DNAH7: variants seen among roughly 807,000 people sequenced by gnomAD.
DNAH7 encodes the protein dynein axonemal heavy chain 7.
DNAH7 carries 397 observed loss-of-function variants against 444.6 expected under a neutral mutation model. The ratio of observed to expected loss-of-function variants is 0.89; its 90% CI spans 0.82 to 0.97. DNAH7 has a LOEUF of 0.97. Among genes scored for constraint, DNAH7 ranks in the 50% least tolerant of loss-of-function variants. The pLI, the probability that DNAH7 is intolerant of heterozygous loss-of-function variation, is 0.00. For missense variants in DNAH7, 4,902 were observed against 4,800.8 expected (o/e 1.02, Z -0.62); for synonymous variants, 1,636 against 1,624.4 (o/e 1.01, Z -0.17).
At chr2:196,044,264 A>C (rs941478861) in intron 5 of DNAH7, among the ~76,000 whole-genome samples, 1 of 151,722 alleles carries the variant, frequency 6.6e-6, no homozygotes, top group African/African-American at 2.4e-5. Flanking sequence ...AATACTACTA[A>C]AAAGGAATAA....
At position 195,861,813 on chromosome 2, in the gene DNAH7, G is replaced by C; in HGVS notation, c.7640C>G (p.Ser2547Cys). 1 of 1,613,624 alleles carries C rather than the reference G, an allele frequency of 6.2e-7. No homozygotes were observed. The highest frequency in any genetic ancestry group is 1.3e-5 in the African/African-American group (1 of 75,032). The part of the protein sequence containing the change: ...FHTSTIDLSK[S>C]FFVELQRYNY... ...GTATCTTTGAAGTTCAACAAAGAAA[G>C]ATTTGGATAAATCTATAGTAGAAGT... The change falls in exon 42 of 65, where the codon TCT (serine) becomes TGT (cysteine). Residue 2547 changes from serine (S) to cysteine (C), a missense_variant. Ser to Cys is a moderately radical substitution (Grantham distance 112, BLOSUM62 -1). Coordinates refer to ENST00000312428, the MANE Select transcript of DNAH7 (RefSeq NM_018897.3).
chr2:195,970,420 T>C (rs2125569023), intron 16 of DNAH7, among the ~76,000 whole-genome samples: 1 of 152,264 alleles, frequency 6.6e-6, no homozygotes, highest in South Asian at 2.1e-4. Context: ...AAATAATTTA[T>C]CAGCATTTGA....
At chr2:195,900,660 G>T in intron 27 of DNAH7, 166 bp from the exon 28 acceptor site, 1 of 598,440 alleles carries the variant, frequency 1.7e-6, no homozygotes, top group Non-Finnish European at 2.9e-6. Context: ...AGGTGAGGTG[G>T]GGCAATGGGG....
chr2:195,951,709 T>C (rs1690270441), intron 19 of DNAH7, among the ~76,000 whole-genome samples: 1 of 152,188 alleles, frequency 6.6e-6, no homozygotes, highest in African/African-American at 2.4e-5. Flanking sequence ...TCTCTTTTGA[T>C]CTTTGTTGGT....
At chr2:195,979,819 A>C (rs192664583) in intron 15 of DNAH7, among the ~76,000 whole-genome samples, 3 of 152,018 alleles carry the variant, frequency 2.0e-5, no homozygotes, top group Non-Finnish European at 4.4e-5. Flanking sequence ...GGATCATTAG[A>C]GGCTACTAAA....
chr2:195,887,680 G>T (rs1442777472), intron 33 of DNAH7, among the ~76,000 whole-genome samples: 1 of 152,106 alleles, frequency 6.6e-6, no homozygotes, highest in Non-Finnish European at 1.5e-5. Flanking sequence ...AAGACCTTTG[G>T]TCAGCATCTC....
Position 196,021,590 on chromosome 2 carries a change from T to G in DNAH7, c.744-2295A>C, listed in dbSNP as rs185110555. Among the ~76,000 whole-genome samples the G allele has an allele frequency of 1.5e-3, 216 of 139,550 alleles. 1 individual carries two copies. Among genetic ancestry groups the G allele is most frequent in the African/African-American group, 5.5e-3 (207 of 37,416 alleles). The allele number at this position is 139,550 out of a possible 152,430, so 91.6% of individuals were successfully genotyped here. On this transcript the variant is annotated intron_variant, in intron 8 of 64. Coordinates refer to ENST00000312428, the MANE Select transcript of DNAH7 (RefSeq NM_018897.3). The stretch of plus-strand genomic sequence containing the variant: ...ATCCCAGCACTTTGGGAGGCCAAGG[T>G]GGGAGGATTTCTTGAGCCCAGGAGT...
intron 44 of DNAH7, 120 bp from the exon 45 acceptor site, chr2:195,856,111 C>G (rs1289783775): frequency 1.1e-6 from 1 of 871,218 alleles, no homozygotes; most frequent in East Asian, 2.7e-5. Context: ...ATGCAAAAAT[C>G]TAAACCGATT....
At chr2:195,986,453 T>G (rs1012651843) in intron 14 of DNAH7, among the ~76,000 whole-genome samples, 5 of 152,200 alleles carry the variant, frequency 3.3e-5, no homozygotes, top group African/African-American at 1.2e-4. Flanking sequence ...TTAGAGTTTT[T>G]CACCCATGTA....
chr2:195,924,167 T>G (rs936889731), intron 22 of DNAH7, among the ~76,000 whole-genome samples: 1 of 152,160 alleles, frequency 6.6e-6, no homozygotes, highest in African/African-American at 2.4e-5. Context: ...TGGGGACTGC[T>G]ATATAGATTG....
At chr2:195,957,740 C>T (rs1337702793) in intron 18 of DNAH7, among the ~76,000 whole-genome samples, 1 of 151,492 alleles carries the variant, frequency 6.6e-6, no homozygotes, top group African/African-American at 2.4e-5. Flanking sequence ...ATTTGTTCTA[C>T]AAAATATGTT....
intron 42 of DNAH7, among the ~76,000 whole-genome samples, chr2:195,859,059 A>T (rs1364304959): frequency 2.0e-5 from 3 of 152,246 alleles, no homozygotes; most frequent in African/African-American, 7.2e-5. Flanking sequence ...CATACAACAG[A>T]AATTCAAAAG....
intron 16 of DNAH7, among the ~76,000 whole-genome samples, chr2:195,971,491 A>G (rs1269738841): frequency 1.3e-5 from 2 of 152,210 alleles, no homozygotes; most frequent in African/African-American, 4.8e-5. Context: ...AGATGTGGTC[A>G]AAGTGAGAGC....
chr2:195,942,756 T>C (rs950590629), intron 19 of DNAH7, among the ~76,000 whole-genome samples: 1 of 152,102 alleles, frequency 6.6e-6, no homozygotes, highest in Non-Finnish European at 1.5e-5. Context: ...GTGAGACATG[T>C]CACTTCTATT....
chr2:195,787,024 G>C lies in DNAH7; in HGVS notation c.10864C>G (p.Leu3622Val). Residue 3622 changes from leucine to valine, a missense_variant, in exon 58 of 65, where the codon CTG becomes GTG. By Grantham distance (32) the Leu-to-Val change is conservative. Coordinates refer to ENST00000312428, the MANE Select transcript of DNAH7 (RefSeq NM_018897.3). ...RISVQQLHMF[L>V]NQYEELPYEA... ...TTTTATGATACCTCATACTGGTTCA[G>C]GAACATGTGGAGCTGCTGTACGCTG... is the stretch of plus-strand genomic sequence containing the variant. The C allele has an allele frequency of 6.3e-7, 1 of 1,593,154 alleles. No individual in the cohort carries two copies. Among genetic ancestry groups the C allele is most frequent in the Non-Finnish European group, 8.5e-7 (1 of 1,173,470 alleles).
chr2:196,041,510 T>C (rs903240800), intron 5 of DNAH7, among the ~76,000 whole-genome samples: 3 of 151,886 alleles, frequency 2.0e-5, no homozygotes, highest in Admixed American at 1.3e-4. Flanking sequence ...GGTATCCATA[T>C]GAAGAATAAA....
chr2:195,924,118 G>A (rs1688189468), intron 22 of DNAH7, among the ~76,000 whole-genome samples: 1 of 152,086 alleles, frequency 6.6e-6, no homozygotes, highest in Non-Finnish European at 1.5e-5. Context: ...CAATATGGAG[G>A]GGATGTGTGA....
intron 5 of DNAH7, among the ~76,000 whole-genome samples, chr2:196,044,337 A>C (rs1232460037): frequency 6.6e-6 from 1 of 152,104 alleles, no homozygotes; most frequent in Non-Finnish European, 1.5e-5. Context: ...GAAGTAACTC[A>C]GGAATGGAAA....
chr2:195,842,565 T>G (rs1698749257), intron 47 of DNAH7, among the ~76,000 whole-genome samples: 1 of 152,138 alleles, frequency 6.6e-6, no homozygotes, highest in Admixed American at 6.6e-5. Flanking sequence ...CAAAATATAT[T>G]GGGAAAAGAA....
Sources: gnomAD v4.1 joint callset for allele counts (sites outside exome capture counted in the v4.1 genomes callset) on GRCh38, gnomAD v4.1.1 for gene constraint, MANE v1.5 for transcripts, NCBI Gene and HGNC (gene_info 2026-07-23, HGNC 2026-07-21) for gene names.